The following WASHC5 variants were observed in gnomAD, a reference collection of about 807,000 sequenced individuals.
The protein encoded by WASHC5 is WASH complex subunit 5.
A neutral mutation model predicts 150.4 loss-of-function variants in WASHC5; 101 were observed. The observed-to-expected ratio is 0.67, with a 90% confidence interval of 0.57 to 0.79. The LOEUF (loss-of-function observed/expected upper bound fraction) is 0.79. Ranked by LOEUF, WASHC5 falls within the 30% of genes least tolerant of loss-of-function variation. The pLI, the probability that WASHC5 is intolerant of heterozygous loss-of-function variation, is 0.00. For synonymous variants in WASHC5, 467 were observed against 491.2 expected (o/e 0.95, Z 0.65); for missense variants, 1,195 against 1,396.3 (o/e 0.86, Z 2.30).
intron 10 of WASHC5, among the ~76,000 whole-genome samples, chr8:125,064,249 C>T (rs1586367852): frequency 6.6e-6 from 1 of 152,252 alleles, no homozygotes; most frequent in East Asian, 1.9e-4. Flanking sequence ...GTTGCCCAGG[C>T]TAGAGTGCAG....
intron 12 of WASHC5, 56 bp from the exon 13 acceptor site, chr8:125,059,598 AT>A (rs1273314890): frequency 7.4e-7 from 1 of 1,359,688 alleles, no homozygotes; most frequent in African/African-American, 1.4e-5. Context: ...TATGGTGCTC[AT>A]TTGTTCTTGA....
intron 7 of WASHC5, 80 bp downstream of exon 7, chr8:125,076,268 C>G: frequency 1.1e-5 from 14 of 1,313,640 alleles, no homozygotes; most frequent in Non-Finnish European, 1.5e-5. Context: ...ACATTACAAC[C>G]TGTGGGTTAA....
rs1017518560 is a variant in WASHC5, at chr8:125,082,311, A to C, written c.417+72T>G. ...GAATGGTATTTCGTATATATTTGTGACTTAAAAGAAAAAAAAGTGATACTA... is the reference window on the plus strand; with the variant it reads ...GAATGGTATTTCGTATATATTTGTGCCTTAAAAGAAAAAAAAGTGATACTA... On this transcript the variant is annotated intron_variant, in intron 4 of 28. Coordinates refer to ENST00000318410, the MANE Select transcript of WASHC5 (RefSeq NM_014846.4). The C allele has an allele frequency of 5.8e-6, 5 of 863,490 alleles. No homozygotes were observed. The South Asian group carries it at 6.9e-5, about 12-fold the overall frequency. 53.5% of individuals were successfully genotyped at this position (863,490 alleles called of 1,614,324 possible).
intron 6 of WASHC5, among the ~76,000 whole-genome samples, chr8:125,077,110 C>T (rs1015260126): frequency 1.3e-5 from 2 of 152,218 alleles, no homozygotes; most frequent in Non-Finnish European, 2.9e-5. Flanking sequence ...AGGGGTTCAT[C>T]CCCTCACGTA....
chr8:125,037,272 G>A lies in WASHC5; in HGVS notation c.3146C>T (p.Ala1049Val), dbSNP rs1044056. 1 of 1,612,326 alleles carries A rather than the reference G, an allele frequency of 6.2e-7. No individual in the cohort carries two copies. Among genetic ancestry groups the A allele is most frequent in the Non-Finnish European group, 8.5e-7 (1 of 1,178,490 alleles). The change falls in exon 26 of 29, where the codon GCT (alanine) becomes GTT (valine). Residue 1049 changes from alanine to valine, a missense_variant. Transcript: ENST00000318410. ...GTTGTATTGAAGTTTTGGCAACTGA[G>A]CGATCAAAAATAGAAAGTTTACAAT... Reference protein sequence around the residue: ...FPIVNFLFLIAQLPKLQYNKN... With the variant: ...FPIVNFLFLIVQLPKLQYNKN...
At position 125,082,397 on chromosome 8, in the gene WASHC5, C is replaced by T. The variant is rs1179043415; in HGVS notation, c.403G>A (p.Gly135Arg). The change falls in exon 4 of 29, where the codon GGA (glycine) becomes AGA (arginine). Residue 135 changes from glycine to arginine, a missense_variant. Transcript: ENST00000318410. ...TTATTACTTACTAGAAGTTGTTTTC[C>T]ATCTTCATTGAGAAGCACAGTTTCT... ...TLETVLLNED[G>R]KQLLCEALYL... 6.4e-7 allele frequency: 1 copy of T among 1,556,754 alleles called. No homozygotes were observed. The highest frequency in any genetic ancestry group is 8.9e-7 in the Non-Finnish European group (1 of 1,128,506).
Position 125,055,818 on chromosome 8 carries a change from C to CACTGTT in WASHC5, c.2017-153_2017-148dup, listed in dbSNP as rs543380196. 114 of 679,020 alleles carry CACTGTT rather than the reference C, an allele frequency of 1.7e-4. 1 individual carries two copies. The East Asian group carries it at 2.6e-3, about 16-fold the overall frequency. 42.1% of individuals were successfully genotyped at this position (679,020 alleles called of 1,614,324 possible). On this transcript the variant is annotated intron_variant, in intron 16 of 28. Coordinates refer to ENST00000318410, the MANE Select transcript of WASHC5 (RefSeq NM_014846.4). ...AGGCTCTGTGGTACAACTGAAAGCC[C>CACTGTT]ACTGTTAGACATATTGGGTAACAGA...
chr8:125,031,230 T>G (rs1815525569), intron 27 of WASHC5, among the ~76,000 whole-genome samples: 1 of 152,160 alleles, frequency 6.6e-6, no homozygotes, highest in African/African-American at 2.4e-5. Context: ...CATTTCCAGT[T>G]TTAGGACTTA....
chr8:125,025,281 T>C lies in WASHC5; in HGVS notation c.3424-608A>G, dbSNP rs1327973351. Among the ~76,000 whole-genome samples, 6 of 152,198 alleles carry C rather than the reference T, an allele frequency of 3.9e-5. No individual in the cohort carries two copies. The South Asian group carries it at 1.2e-3, about 31-fold the overall frequency. Reference sequence around the variant, plus strand: ...AATTTTTTTTCTGATCATAAAGGTATAACCTGCTAATGAGAGGAAATTTAG... The same window carrying C: ...AATTTTTTTTCTGATCATAAAGGTACAACCTGCTAATGAGAGGAAATTTAG... On this transcript the variant is annotated intron_variant, in intron 28 of 28. Transcript: ENST00000318410.
At chr8:125,083,612 C>T (rs1817337189) in intron 2 of WASHC5, 101 bp downstream of exon 2, 3 of 950,390 alleles carry the variant, frequency 3.2e-6, no homozygotes, top group Admixed American at 2.4e-5. Flanking sequence ...TTCTCTTTAG[C>T]TTTTTCCATA....
rs772059776 is a variant in WASHC5, at chr8:125,078,909, A to G, written c.540T>C (p.Asp180=). 5 of 1,613,914 alleles carry G rather than the reference A, an allele frequency of 3.1e-6. No homozygotes were observed. In the South Asian group the frequency reaches 5.5e-5, roughly 18 times the overall value. The change falls in exon 6 of 29, where the codon GAT becomes GAC. Residue 180 remains aspartate (D), a synonymous_variant. Transcript: ENST00000318410. ...YRYSAARSSA[D]SNMDDICKLL... ...GCTTACAAATATCGTCCATATTTGA[A>G]TCAGCAGAAGATCGAGCAGCACTGA... is the stretch of plus-strand genomic sequence containing the variant.
intron 14 of WASHC5, among the ~76,000 whole-genome samples, chr8:125,058,673 G>A (rs1005684669): frequency 6.6e-6 from 1 of 152,030 alleles, no homozygotes; most frequent in Non-Finnish European, 1.5e-5. Flanking sequence ...GCTTGAACCC[G>A]GGAGGAGGAG....
At chr8:125,071,382 CAGA>C (rs1164348160) in intron 9 of WASHC5, among the ~76,000 whole-genome samples, 2 of 152,138 alleles carry the variant, frequency 1.3e-5, no homozygotes, top group Admixed American at 1.3e-4. Flanking sequence ...ACTGTGTGAA[CAGA>C]AGGTCTCGGA....
At chr8:125,062,853 T>C (rs1816640122) in intron 11 of WASHC5, among the ~76,000 whole-genome samples, 1 of 152,186 alleles carries the variant, frequency 6.6e-6, no homozygotes, top group Non-Finnish European at 1.5e-5. Context: ...AAATTCAGAA[T>C]GGTTTTTTGG....
chr8:125,030,652 A>AAG (rs541766590), intron 27 of WASHC5, among the ~76,000 whole-genome samples: 16,382 of 144,638 alleles, frequency 0.11, 2,606 homozygotes, highest in African/African-American at 0.34. Flanking sequence ...AAAAAAAAAA[A>AAG]AAAAAAAAAA....
At position 125,047,244 on chromosome 8, in the gene WASHC5, G is replaced by A. The variant is rs765171905; in HGVS notation, c.2467C>T (p.Arg823Ter). ...ATCCGCAGGATTTCTCTGCAGAGTC[G>A]ACCAATAAACGTTACAGACTCATCC... Reference protein sequence around the residue: ...PVDESVTFIGRLCREILRITD... With the variant: ...PVDESVTFIG The change falls in exon 20 of 29, where the codon CGA (arginine) becomes TGA (stop). Residue 823 changes from arginine (R) to a stop codon, truncating the protein, a stop_gained. Transcript: ENST00000318410. LOFTEE classifies it high-confidence loss of function. The A allele has an allele frequency of 3.1e-6, 5 of 1,613,890 alleles. No homozygotes were observed. The highest frequency in any genetic ancestry group is 1.1e-5 in the South Asian group (1 of 91,062).
At chr8:125,031,570 T>G (rs1040887200) in intron 27 of WASHC5, among the ~76,000 whole-genome samples, 1 of 152,154 alleles carries the variant, frequency 6.6e-6, no homozygotes, top group Non-Finnish European at 1.5e-5. Flanking sequence ...CCAGCCGCTT[T>G]GATTCGTTTT....
intron 26 of WASHC5, 87 bp from the exon 27 acceptor site, chr8:125,032,481 T>C: frequency 7.0e-7 from 1 of 1,426,716 alleles, no homozygotes; most frequent in Admixed American, 1.7e-5. Flanking sequence ...GTCAAAATGT[T>C]TGGGGCCCAT....
At chr8:125,081,871 T>C in intron 4 of WASHC5, 110 bp from the exon 5 acceptor site, 1 of 746,802 alleles carries the variant, frequency 1.3e-6, no homozygotes, top group Non-Finnish European at 2.4e-6. Flanking sequence ...CAAAAAGTTT[T>C]AGATTTCAAG....
Sources: gnomAD v4.1 joint callset for allele counts (sites outside exome capture counted in the v4.1 genomes callset) on GRCh38, gnomAD v4.1.1 for gene constraint, MANE v1.5 for transcripts, NCBI Gene and HGNC (gene_info 2026-07-23, HGNC 2026-07-21) for gene names.